The following MRPL44 variants were observed in gnomAD, a reference collection of about 807,000 sequenced individuals.
MRPL44 encodes large ribosomal subunit protein mL44.
MRPL44 carries 21 observed loss-of-function variants against 25.9 expected under a neutral mutation model. The observed-to-expected ratio is 0.81, with a 90% CI of 0.58 to 1.17. MRPL44 has a LOEUF of 1.17. Ranked by LOEUF, MRPL44 falls within the 50% of genes most tolerant of loss-of-function variation. The pLI is 0.00. For missense variants in MRPL44, 410 were observed against 398.9 expected (o/e 1.03, Z -0.24); for synonymous variants, 169 against 151.0 (o/e 1.12, Z -0.87).
In MRPL44 at chr2:223,967,068, C is replaced by A; in HGVS notation, c.*34C>A. On this transcript the variant is annotated 3_prime_UTR_variant, in exon 4 of 4. Coordinates refer to ENST00000258383, the MANE Select transcript of MRPL44 (RefSeq NM_022915.5). ...GATGCAGCAGCCTGAAACTTGAGAG[C>A]GAAAGTGAGATAAATGTCAAAGGTG... The A allele has an allele frequency of 6.5e-7, 1 of 1,545,324 alleles. No homozygotes were observed. The highest frequency in any genetic ancestry group is 8.8e-7 in the Non-Finnish European group (1 of 1,141,802).
At chr2:223,952,561 T>C (rs1409291042), upstream of MRPL44, among the ~76,000 whole-genome samples, 5 of 152,242 alleles carry the variant, frequency 3.3e-5, no homozygotes, top group African/African-American at 1.2e-4. Context: ...GCAATACTGA[T>C]ACTTAACTTG....
intron 3 of MRPL44, among the ~76,000 whole-genome samples, chr2:223,964,536 G>A (rs1034913992): frequency 6.6e-6 from 1 of 152,114 alleles, no homozygotes; most frequent in African/African-American, 2.4e-5. Flanking sequence ...AAGTATAAAA[G>A]AAATAGAAGT....
chr2:223,954,756 A>C (rs1689539421), upstream of MRPL44, among the ~76,000 whole-genome samples: 1 of 152,200 alleles, frequency 6.6e-6, no homozygotes, highest in Non-Finnish European at 1.5e-5. Context: ...GAATTGATAA[A>C]AACATCCATG....
rs748269428 is a variant in MRPL44, at chr2:223,957,631, CCCG to C, written c.168_170del (p.Pro57del). 1 of 1,608,292 alleles carries C rather than the reference CCCG, an allele frequency of 6.2e-7. No homozygotes were observed. Among genetic ancestry groups the C allele is most frequent in the Non-Finnish European group, 8.5e-7 (1 of 1,179,542 alleles). Reference sequence around the variant, plus strand: ...TAGAGCGGCAGCGCCTTCTGCGGTGCCCGCCGCCGCCCGTGCGCCGGTAGGAGC... The same window carrying C: ...TAGAGCGGCAGCGCCTTCTGCGGTGCCCGCCGCCCGTGCGCCGGTAGGAGC... On this transcript the variant is annotated inframe_deletion, in exon 1 of 4. Transcript: ENST00000258383.
intron 3 of MRPL44, 91 bp from the exon 4 acceptor site, chr2:223,966,772 G>GA: frequency 9.1e-7 from 1 of 1,098,652 alleles, no homozygotes. Context: ...TATTGAAATA[G>GA]ATGTAGAAGG....
chr2:223,964,573 T>C (rs1399744280), intron 3 of MRPL44, among the ~76,000 whole-genome samples: 1 of 152,226 alleles, frequency 6.6e-6, no homozygotes, highest in East Asian at 1.9e-4. Context: ...TGGATAGTGT[T>C]GTATAAAGTT....
the MRPL44 span, among the ~76,000 whole-genome samples, chr2:223,951,479 T>A: frequency 1.4e-5 from 1 of 71,192 alleles, no homozygotes; most frequent in Non-Finnish European, 2.9e-5. Flanking sequence ...TACCTTGGAG[T>A]TTTTTTTTTT....
chr2:223,959,222 G>A (rs1026415371), intron 1 of MRPL44, among the ~76,000 whole-genome samples: 2 of 152,270 alleles, frequency 1.3e-5, no homozygotes, highest in Admixed American at 1.3e-4. Context: ...ATAGTATCAT[G>A]GTTAGAGCAG....
rs1223422523 is a variant in MRPL44, at chr2:223,959,856, C to T, written c.502C>T (p.His168Tyr). ...DFLTGEEVVC[H>Y]VARNLAVEQL... is the part of the protein sequence containing the mutation. ...TCTCACTGGTGAGGAAGTCGTGTGT[C>T]ACGTGGCTAGAAACTTGGCTGTGGA... The change falls in exon 2 of 4, where the codon CAC becomes TAC. Residue 168 changes from histidine (H) to tyrosine (Y), a missense_variant. Coordinates refer to ENST00000258383, the MANE Select transcript of MRPL44 (RefSeq NM_022915.5). The T allele has an allele frequency of 8.1e-6, 13 of 1,614,184 alleles. No individual in the cohort carries two copies. Among genetic ancestry groups the T allele is most frequent in the South Asian group, 1.1e-5 (1 of 91,080 alleles).
the MRPL44 span, among the ~76,000 whole-genome samples, chr2:223,951,765 C>T: frequency 2.0e-5 from 3 of 152,118 alleles, no homozygotes; most frequent in Admixed American, 6.5e-5. Context: ...AGGCTTGAGC[C>T]ACTGTGTCTG....
chr2:223,961,559 C>G (rs753938231), intron 2 of MRPL44, among the ~76,000 whole-genome samples: 1 of 152,200 alleles, frequency 6.6e-6, no homozygotes, highest in Non-Finnish European at 1.5e-5. Context: ...AACTAGCTCT[C>G]CAGGTGATAT....
chr2:223,962,028 C>G (rs1231188895), intron 2 of MRPL44, among the ~76,000 whole-genome samples: 1 of 152,156 alleles, frequency 6.6e-6, no homozygotes, highest in African/African-American at 2.4e-5. Context: ...AAATCCCCTA[C>G]TGAGAGTGGA....
At chr2:223,953,134 CT>C (rs529578122), upstream of MRPL44, among the ~76,000 whole-genome samples, 478 of 139,408 alleles carry the variant, frequency 3.4e-3, 1 homozygote, top group Non-Finnish European at 3.9e-3. Context: ...TATCCAGATT[CT>C]TTTTTTTTTT....
rs1059109 is a variant in MRPL44, at chr2:223,959,915, C to G, written c.561C>G (p.Pro187=). The change falls in exon 2 of 4, where the codon CCC becomes CCG. Residue 187 remains proline (P), a synonymous_variant. Transcript: ENST00000258383. The stretch of plus-strand genomic sequence containing the variant: ...CACTGAGTGAAGAATTCCCAGTGCC[C>G]CCAGCTGTGTTACAGCAGACTTTCT... ...QLTLSEEFPV[P]PAVLQQTFFA... is the part of the protein sequence containing the mutation. 16 of 1,614,036 alleles carry G rather than the reference C, an allele frequency of 9.9e-6. No homozygotes were observed. The highest frequency in any genetic ancestry group is 1.7e-5 in the Admixed American group (1 of 59,998).
chr2:223,953,049 A>G (rs1420152003), upstream of MRPL44, among the ~76,000 whole-genome samples: 2 of 152,206 alleles, frequency 1.3e-5, no homozygotes, highest in Non-Finnish European at 2.9e-5. Context: ...GTATTTTCAA[A>G]AATAGATATA....
upstream of MRPL44, among the ~76,000 whole-genome samples, chr2:223,954,504 G>T (rs539952169): frequency 1.3e-5 from 2 of 152,194 alleles, no homozygotes; most frequent in Non-Finnish European, 2.9e-5. Context: ...CAGTCAAAGC[G>T]CTGGCCAGTA....
At chr2:223,955,471 G>T (rs1252242338), upstream of MRPL44, among the ~76,000 whole-genome samples, 3 of 152,154 alleles carry the variant, frequency 2.0e-5, no homozygotes, top group Non-Finnish European at 4.4e-5. Flanking sequence ...GTTCAGGAAG[G>T]TCCTATAGCA....
chr2:223,957,355 G>A, upstream of MRPL44: 1 of 1,342,666 alleles, frequency 7.4e-7, no homozygotes, highest in Non-Finnish European at 1.0e-6. Context: ...CCGCCCCGGG[G>A]GCTGTCTCCG....
rs765101305 is a variant in MRPL44, at chr2:223,959,722, A to C, written c.368A>C (p.Gln123Pro). The C allele has an allele frequency of 7.4e-6, 12 of 1,614,128 alleles. No individual in the cohort carries two copies. Among genetic ancestry groups the C allele is most frequent in the African/African-American group, 4.0e-5 (3 of 74,938 alleles). The change falls in exon 2 of 4, where the codon CAA becomes CCA. Residue 123 changes from glutamine to proline, a missense_variant. Gln to Pro is a moderately conservative substitution (Grantham distance 76). Transcript: ENST00000258383. ...EAVLLNLKSN[Q>P]ELSEQGTSFS... ...GTTCTTCTGAATCTTAAAAGTAATC[A>C]AGAACTATCCGAACAAGGGACATCT...
Sources: allele counts gnomAD v4.1 joint callset (sites outside exome capture counted in the v4.1 genomes callset), GRCh38; gene constraint gnomAD v4.1.1; transcripts MANE v1.5; gene names NCBI Gene and HGNC (gene_info 2026-07-23, HGNC 2026-07-21).